The following PCDH15 variants were observed in gnomAD, a reference collection of about 807,000 sequenced individuals.
PCDH15 encodes the protein protocadherin-15.
PCDH15 carries 129 observed loss-of-function variants against 178.5 expected under a neutral mutation model. That is an observed-to-expected ratio of 0.72 (90% confidence interval 0.63 to 0.84). PCDH15 has a LOEUF of 0.84. Ranked by LOEUF, PCDH15 falls within the 40% of genes least tolerant of loss-of-function variation. PCDH15 has a pLI of 0.00. For synonymous variants in PCDH15, 800 were observed against 732.0 expected, an observed-to-expected ratio of 1.09 and a Z score of -1.50; for missense variants, 2,230 against 2,099.9, an observed-to-expected ratio of 1.06 and a Z score of -1.21.
At chr10:54,782,065 G>A (rs1284077498) in intron 1 of PCDH15, among the ~76,000 whole-genome samples, 6 of 152,272 alleles carry the variant, frequency 3.9e-5, no homozygotes, top group East Asian at 1.9e-4. Flanking sequence ...GCAAAGTTAT[G>A]AGACAGATCT....
chr10:54,043,339 C>T (rs2093589562), intron 18 of PCDH15, among the ~76,000 whole-genome samples: 2 of 152,098 alleles, frequency 1.3e-5, no homozygotes. Flanking sequence ...ACAGACTTTA[C>T]TCAAAATCAT....
At chr10:55,477,350 G>A (rs1414757980) in intron 2 of PCDH15, among the ~76,000 whole-genome samples, 1 of 151,854 alleles carries the variant, frequency 6.6e-6, no homozygotes, top group Non-Finnish European at 1.5e-5. Flanking sequence ...AATAATGAAG[G>A]ACAGAACTCA....
At chr10:54,408,733 A>G (rs1349205903) in intron 3 of PCDH15, among the ~76,000 whole-genome samples, 5 of 152,160 alleles carry the variant, frequency 3.3e-5, no homozygotes, top group African/African-American at 1.2e-4. Context: ...TTTTTTATAT[A>G]AGACATTGTT....
At chr10:54,538,204 A>G (rs1300085425) in intron 2 of PCDH15, among the ~76,000 whole-genome samples, 2 of 152,116 alleles carry the variant, frequency 1.3e-5, no homozygotes, top group African/African-American at 4.8e-5. Context: ...AACATCAAGG[A>G]TAGTGTTTCC....
chr10:55,413,935 C>A (rs915802409), intron 2 of PCDH15, among the ~76,000 whole-genome samples: 1 of 151,342 alleles, frequency 6.6e-6, no homozygotes, highest in Non-Finnish European at 1.5e-5. Flanking sequence ...ATAACCATGT[C>A]TTTGTGTGTG....
At chr10:54,455,430 T>A (rs2076752023) in intron 3 of PCDH15, among the ~76,000 whole-genome samples, 1 of 152,184 alleles carries the variant, frequency 6.6e-6, no homozygotes, top group Non-Finnish European at 1.5e-5. Context: ...TAAAGTAATA[T>A]GGACAACTAA....
chr10:53,808,330 G>GTATATATATATATATATATA (rs917490517), intron 37 of PCDH15: 1 of 201,310 alleles, frequency 5.0e-6, no homozygotes, highest in African/African-American at 2.6e-5. Flanking sequence ...GTGTGTGTGT[G>GTATATATATATATATATATA]TATATATATA....
intron 2 of PCDH15, among the ~76,000 whole-genome samples, chr10:55,612,619 T>C (rs1843391438): frequency 1.3e-5 from 2 of 152,168 alleles, no homozygotes; most frequent in South Asian, 2.1e-4. Flanking sequence ...GTGAATCATA[T>C]ATTTGCAAAG....
chr10:54,270,581 C>T (rs2057985218), intron 8 of PCDH15, among the ~76,000 whole-genome samples: 1 of 152,038 alleles, frequency 6.6e-6, no homozygotes, highest in Non-Finnish European at 1.5e-5. Flanking sequence ...TGCTTGCTTG[C>T]TTGTTTTGAA....
intron 14 of PCDH15, among the ~76,000 whole-genome samples, chr10:54,136,699 T>C (rs12261212): frequency 0.015 from 2,351 of 152,266 alleles, 76 homozygotes; most frequent in African/African-American, 0.054. Flanking sequence ...TGGATACTTG[T>C]CACAGAGTCG....
intron 9 of PCDH15, among the ~76,000 whole-genome samples, chr10:54,219,438 A>C (rs11004147): frequency 0.031 from 4,733 of 150,742 alleles, 225 homozygotes; most frequent in African/African-American, 0.11. Flanking sequence ...AAAATACAAA[A>C]AAAAATTAGC....
chr10:54,871,786 C>T (rs1057061114), intron 3 of PCDH15, among the ~76,000 whole-genome samples: 1 of 151,984 alleles, frequency 6.6e-6, no homozygotes, highest in South Asian at 2.1e-4. Flanking sequence ...AACAGTTAAG[C>T]CTATCATGAT....
rs182468728 is a variant in PCDH15 at position 55,142,582 on chromosome 10, G to T, written c.-80+23994C>A. ...GGTACATAGATTGTGTGTATCTATA[G>T]TTTTTTGCATATACTACAGTTATTT... On this transcript the variant is annotated intron_variant, in intron 2 of 5. Coordinates refer to the PCDH15 transcript ENST00000458638. Among the ~76,000 whole-genome samples the T allele has an allele frequency of 4.0e-3, 233 of 58,024 alleles. 1 individual carries two copies. The highest frequency in any genetic ancestry group is 0.011 in the African/African-American group (225 of 19,612). 38.1% of individuals were successfully genotyped at this position (58,024 alleles called of 152,430 possible).
Position 54,017,423 on chromosome 10 carries a change from G to A in PCDH15, c.2751+2769C>T, listed in dbSNP as rs562782025. ...CAACAGTGAATTAGATAAATACAAG[G>A]GGGTACATATACACCATGGAACACT... On this transcript the variant is annotated intron_variant, in intron 20 of 37. Coordinates refer to ENST00000644397, the MANE Select transcript of PCDH15 (RefSeq NM_001384140.1). Among the ~76,000 whole-genome samples, 4 of 152,238 alleles carry A rather than the reference G, an allele frequency of 2.6e-5. No homozygotes were observed. In the South Asian group the frequency reaches 8.3e-4, roughly 32 times the overall value.
At chr10:54,908,509 C>T (rs1954764123) in intron 2 of PCDH15, among the ~76,000 whole-genome samples, 1 of 152,128 alleles carries the variant, frequency 6.6e-6, no homozygotes, top group Non-Finnish European at 1.5e-5. Flanking sequence ...TCCTCTCATC[C>T]CTCCTTTTTG....
chr10:54,390,019 G>A (rs1950361137), intron 3 of PCDH15, among the ~76,000 whole-genome samples: 1 of 152,224 alleles, frequency 6.6e-6, no homozygotes, highest in Middle Eastern at 3.4e-3. Flanking sequence ...TTTATAATGT[G>A]CTGTAAAAGT....
intron 3 of PCDH15, among the ~76,000 whole-genome samples, chr10:54,839,587 C>T (rs529606010): frequency 6.6e-6 from 1 of 152,004 alleles, no homozygotes; most frequent in African/African-American, 2.4e-5. Context: ...GGGTAGAAAG[C>T]ATATTTTAAG....
intron 2 of PCDH15, among the ~76,000 whole-genome samples, chr10:55,411,848 A>G (rs529270463): frequency 1.4e-4 from 22 of 152,210 alleles, no homozygotes; most frequent in African/African-American, 5.1e-4. Flanking sequence ...GCAGTTAGGT[A>G]AACTATAGAG....
At chr10:53,824,737 T>G (rs1387197486) in intron 32 of PCDH15, among the ~76,000 whole-genome samples, 1 of 152,088 alleles carries the variant, frequency 6.6e-6, no homozygotes, top group Non-Finnish European at 1.5e-5. Flanking sequence ...CAAACATTTG[T>G]TCGTGGTTTG....
Sources: gnomAD v4.1 joint callset for allele counts (sites outside exome capture counted in the v4.1 genomes callset) on GRCh38, gnomAD v4.1.1 for gene constraint, MANE v1.5 for transcripts, NCBI Gene and HGNC (gene_info 2026-07-23, HGNC 2026-07-21) for gene names.